Variants in PLXND1 observed in about 807,000 individuals in gnomAD.
The protein encoded by PLXND1 is plexin-D1.
In PLXND1, 54 loss-of-function variants were observed where a neutral mutation model predicts 197.7. That is an observed-to-expected ratio of 0.27 (90% CI 0.22 to 0.34). The LOEUF (loss-of-function observed/expected upper bound fraction) is 0.34, where lower values mean the gene tolerates loss of function less well. Ranked by LOEUF, PLXND1 falls within the 10% of genes least tolerant of loss-of-function variation. The probability of loss-of-function intolerance (pLI) is 1.00; values close to 1 mark genes in which losing one functional copy is unlikely to be tolerated. For missense variants in PLXND1, 2,127 were observed against 2,699.2 expected, an observed-to-expected ratio of 0.79 and a Z score of 4.70; for synonymous variants, 1,180 against 1,161.2, an observed-to-expected ratio of 1.02 and a Z score of -0.33.
intron 25 of PLXND1, 56 bp downstream of exon 25, chr3:129,565,284 G>A (rs80245809): frequency 0.013 from 19,883 of 1,491,650 alleles, 174 homozygotes; most frequent in Middle Eastern, 0.024. Context: ...GGTCACTGCC[G>A]CTGAGTCCCT....
At chr3:129,572,295 C>A (rs2085245904) in intron 15 of PLXND1, among the ~76,000 whole-genome samples, 1 of 152,206 alleles carries the variant, frequency 6.6e-6, no homozygotes, top group Non-Finnish European at 1.5e-5. Flanking sequence ...ACTCCAACCA[C>A]ACCCCTGCCA....
At chr3:129,556,561 C>T (rs1292096364) in intron 35 of PLXND1, 56 bp downstream of exon 35, 2 of 1,404,698 alleles carry the variant, frequency 1.4e-6, no homozygotes, top group Non-Finnish European at 2.0e-6. Flanking sequence ...GATGTGTGTC[C>T]TTGAGTAGGA....
In PLXND1 at chr3:129,557,382, G is replaced by A. The variant is rs1441333824; in HGVS notation, c.5446-159C>T. 1.3e-5 allele frequency among the ~76,000 whole-genome samples: 2 copies of A among 152,178 alleles called. No homozygotes were observed. Among genetic ancestry groups the A allele is most frequent in the Non-Finnish European group, 2.9e-5 (2 of 68,024 alleles). On this transcript the variant is annotated intron_variant, in intron 33 of 35. Transcript: ENST00000324093. This position sits in a 1 kb window ranked among gnomAD's most constrained non-coding sequence, Gnocchi z 4.8. ...CGGTCACTGAACGTCCCCGCACTCA[G>A]CCGGCCCCAGACCAGGGGCTCCTCA...
At chr3:129,601,895 C>T (rs2108806750) in intron 1 of PLXND1, among the ~76,000 whole-genome samples, 1 of 152,326 alleles carries the variant, frequency 6.6e-6, no homozygotes, top group East Asian at 1.9e-4. Flanking sequence ...GCCCCATCTC[C>T]CCACTGCCAT....
At chr3:129,593,475 C>T (rs1049331189) in intron 1 of PLXND1, among the ~76,000 whole-genome samples, 10 of 152,264 alleles carry the variant, frequency 6.6e-5, no homozygotes, top group East Asian at 1.9e-4. Flanking sequence ...CATGCCCAGA[C>T]GGCAAGTTTT....
chr3:129,584,097 C>CT (rs747390868), intron 7 of PLXND1, 28 bp downstream of exon 7: 36 of 1,441,604 alleles, frequency 2.5e-5, no homozygotes, highest in Non-Finnish European at 3.4e-5. Context: ...CCTCCACCAA[C>CT]TGGAGGCAAG....
rs779602281 is a variant in PLXND1, at chr3:129,563,120, G to A, written c.4642C>T (p.Arg1548Trp). 2 of 1,613,248 alleles carry A rather than the reference G, an allele frequency of 1.2e-6. No individual in the cohort carries two copies. The highest frequency in any genetic ancestry group is 8.5e-7 in the Non-Finnish European group (1 of 1,179,704). ...CGGGGCTTGGCCTCGATGTTCTCCC[G>A]CAGCAGCCACTCCTCACTGAGTGTG... is the stretch of plus-strand genomic sequence containing the variant. ...RYTLSEEWLL[R>W]ENIEAKPRNL... Residue 1548 changes from arginine (R) to tryptophan (W), a missense_variant, in exon 26 of 36, where the codon CGG becomes TGG. This residue lies in a region of PLXND1 where 532 missense variants were observed against 811.0 expected (regional missense o/e 0.66). Coordinates refer to ENST00000324093, the MANE Select transcript of PLXND1 (RefSeq NM_015103.3).
In PLXND1 at chr3:129,572,691, T is replaced by C; in HGVS notation, c.2995A>G (p.Ile999Val). The C allele has an allele frequency of 6.2e-7, 1 of 1,605,128 alleles. No individual in the cohort carries two copies. Among genetic ancestry groups the C allele is most frequent in the Non-Finnish European group, 8.5e-7 (1 of 1,175,390 alleles). Residue 999 changes from isoleucine (I) to valine (V), a missense_variant, in exon 15 of 36, where the codon ATC becomes GTC. Ile to Val is a conservative substitution (Grantham distance 29). Coordinates refer to ENST00000324093, the MANE Select transcript of PLXND1 (RefSeq NM_015103.3). ...TMGPKAGGTR[I>V]TIHGNDLHVG... The stretch of plus-strand genomic sequence containing the variant: ...TGGAGGTCATTCCCATGGATGGTGA[T>C]CCTGGTGCCCCCGGCCTTGGGGCCC...
At chr3:129,597,108 T>G (rs926281277) in intron 1 of PLXND1, among the ~76,000 whole-genome samples, 1 of 152,114 alleles carries the variant, frequency 6.6e-6, no homozygotes, top group African/African-American at 2.4e-5. Context: ...CCTGAAAGAG[T>G]TGATGCTGCT....
chr3:129,556,523 A>T, intron 35 of PLXND1, 94 bp downstream of exon 35: 1 of 1,334,888 alleles, frequency 7.5e-7, no homozygotes, highest in Non-Finnish European at 1.1e-6. Flanking sequence ...CACGAGTGAC[A>T]TCCGTCCATT....
At position 129,556,099 on chromosome 3, in the gene PLXND1, T is replaced by C; in HGVS notation, c.*213A>G. On this transcript the variant is annotated 3_prime_UTR_variant, in exon 36 of 36. Coordinates refer to ENST00000324093, the MANE Select transcript of PLXND1 (RefSeq NM_015103.3). The stretch of plus-strand genomic sequence containing the variant: ...GCTCTCTGGCCTCCATCCCAGAGAC[T>C]GATCTGGGGACAGGTGGGAGGGGAT... 1 of 545,862 alleles carries C rather than the reference T, an allele frequency of 1.8e-6. No homozygotes were observed. Among genetic ancestry groups the C allele is most frequent in the Non-Finnish European group, 3.3e-6 (1 of 302,862 alleles). The allele number at this position is 545,862 out of a possible 1,614,324, so 33.8% of individuals were successfully genotyped here. A position where few individuals can be genotyped will look rare whatever the true frequency, so the allele number is the denominator to read the frequency against.
intron 1 of PLXND1, among the ~76,000 whole-genome samples, chr3:129,590,025 T>C (rs1018719834): frequency 2.6e-5 from 4 of 152,128 alleles, no homozygotes; most frequent in Non-Finnish European, 5.9e-5. Flanking sequence ...ACAGCAACCA[T>C]GGGCTTTCCT....
chr3:129,593,580 C>T (rs1480554195), intron 1 of PLXND1, among the ~76,000 whole-genome samples: 1 of 152,240 alleles, frequency 6.6e-6, no homozygotes, highest in Non-Finnish European at 1.5e-5. Context: ...CAGCATGGAG[C>T]CTGTGCTCTG....
intron 1 of PLXND1, among the ~76,000 whole-genome samples, chr3:129,591,809 C>G (rs760548259): frequency 1.3e-5 from 2 of 152,144 alleles, no homozygotes; most frequent in Non-Finnish European, 2.9e-5. Context: ...CCACTCTTGC[C>G]CCCTACACTG....
intron 2 of PLXND1, among the ~76,000 whole-genome samples, chr3:129,589,128 C>G (rs977683723): frequency 2.6e-5 from 4 of 152,278 alleles, no homozygotes; most frequent in Admixed American, 2.6e-4. Flanking sequence ...CCTCTCTGAG[C>G]CCTGGTTTCC....
rs202165660 is a variant in PLXND1, at chr3:129,586,706, T to C, written c.1502A>G (p.Glu501Gly). 3.3e-4 allele frequency: 527 copies of C among 1,599,588 alleles called. No individual in the cohort carries two copies. The highest frequency in any genetic ancestry group is 4.3e-4 in the Non-Finnish European group (510 of 1,172,754). Residue 501 changes from glutamate to glycine, a missense_variant, in exon 3 of 36, where the codon GAG becomes GGG. By Grantham distance (98) the Glu-to-Gly change is moderately conservative. This residue lies in a region of PLXND1 where 1,095 missense variants were observed against 1,259.8 expected (regional missense o/e 0.87). Coordinates refer to ENST00000324093, the MANE Select transcript of PLXND1 (RefSeq NM_015103.3). ...NGRLLKINLN[E>G]SMQVVSRRVV... ...CCGCCTGCTCACCACCTGCATGCTC[T>C]CGTTCAGGTTGATCTGTGGGGGTAG... is the stretch of plus-strand genomic sequence containing the variant.
Position 129,557,296 on chromosome 3 carries a change from C to A in PLXND1, c.5446-73G>T. The A allele has an allele frequency of 6.6e-7, 1 of 1,513,068 alleles. No homozygotes were observed. Among genetic ancestry groups the A allele is most frequent in the African/African-American group, 1.4e-5 (1 of 73,006 alleles). 93.7% of individuals were successfully genotyped at this position (1,513,068 alleles called of 1,614,324 possible). On this transcript the variant is annotated intron_variant, in intron 33 of 35. Transcript: ENST00000324093. This position sits in a 1 kb window ranked among gnomAD's most constrained non-coding sequence, Gnocchi z 4.8. ...GGATCTGGTCGTTTTCTGGATGAGC[C>A]CTCATCCCTCCTGCCACATAAGTGA...
At position 129,578,232 on chromosome 3, in the gene PLXND1, G is replaced by C. The variant is rs1167645406; in HGVS notation, c.2346+97C>G. The C allele has an allele frequency of 1.0e-5, 8 of 774,284 alleles. No individual in the cohort carries two copies. In the East Asian group the frequency reaches 2.1e-4, roughly 20 times the overall value. The allele number at this position is 774,284 out of a possible 1,614,324, so 48.0% of individuals were successfully genotyped here. On this transcript the variant is annotated intron_variant, in intron 9 of 35. Transcript: ENST00000324093. ...GTGCGAAAGCACTGCAGTGGGCCCA[G>C]AGCAGGGGTCACACCAGGACATGGG... is the stretch of plus-strand genomic sequence containing the variant.
chr3:129,583,478 G>A (rs563433064), intron 8 of PLXND1, 89 bp downstream of exon 8: 65 of 816,304 alleles, frequency 8.0e-5, no homozygotes, highest in South Asian at 2.5e-4. Context: ...GGCGGAATAT[G>A]CAAAGGCATT....
Sources: allele counts gnomAD v4.1 joint callset (sites outside exome capture counted in the v4.1 genomes callset), GRCh38; gene constraint gnomAD v4.1.1; regional missense constraint gnomAD v4.1.1; non-coding constraint Gnocchi (gnomAD v3.1); transcripts MANE v1.5; gene names NCBI Gene and HGNC (gene_info 2026-07-23, HGNC 2026-07-21).